USP4: variants seen among roughly 807,000 people sequenced by gnomAD.
USP4 encodes the protein ubiquitin specific peptidase 4.
USP4 carries 72 observed loss-of-function variants against 118.2 expected under a neutral mutation model. That is an observed-to-expected ratio of 0.61 (90% CI 0.50 to 0.74). USP4 has a LOEUF of 0.74. Among genes scored for constraint, USP4 ranks in the 30% least tolerant of loss-of-function variants. The probability of loss-of-function intolerance (pLI) is 0.00; values close to 1 mark genes in which losing one functional copy is unlikely to be tolerated. For missense variants in USP4, 1,037 were observed against 1,185.7 expected (o/e 0.87, Z 1.84); for synonymous variants, 415 against 440.4 (o/e 0.94, Z 0.72).
chr3:49,320,042 A>G (rs1411330412), intron 6 of USP4, among the ~76,000 whole-genome samples: 1 of 152,074 alleles, frequency 6.6e-6, no homozygotes, highest in Non-Finnish European at 1.5e-5. Context: ...TCAGCCTCCC[A>G]AGAAGCTGGA....
At chr3:49,311,092 T>C (rs548121141) in intron 7 of USP4, among the ~76,000 whole-genome samples, 1 of 152,190 alleles carries the variant, frequency 6.6e-6, no homozygotes, top group Non-Finnish European at 1.5e-5. Flanking sequence ...TGAAAGTTCA[T>C]GCACACTTCC....
intron 3 of USP4, 135 bp downstream of exon 3, chr3:49,327,551 G>T (rs2047569836): frequency 2.2e-6 from 2 of 905,856 alleles, no homozygotes; most frequent in South Asian, 2.0e-5. Flanking sequence ...AAAAAAAAGA[G>T]ATCCAGAAAC....
chr3:49,281,475 TG>T (rs1349745326), intron 19 of USP4, among the ~76,000 whole-genome samples: 6 of 83,482 alleles, frequency 7.2e-5, no homozygotes, highest in Non-Finnish European at 1.2e-4. Flanking sequence ...AAAAAGTATG[TG>T]TATATATATA....
chr3:49,332,559 G>C (rs1446322221), intron 2 of USP4, among the ~76,000 whole-genome samples: 2 of 151,846 alleles, frequency 1.3e-5, no homozygotes, highest in East Asian at 3.9e-4. Context: ...TTTAAAATCT[G>C]TTGTTTAGGC....
rs113871241 is a variant in USP4 at position 49,324,247 on chromosome 3, C to T, written c.695+455G>A. On this transcript the variant is annotated intron_variant, in intron 6 of 21. Coordinates refer to ENST00000265560, the MANE Select transcript of USP4 (RefSeq NM_003363.4). ...CTCCTGGCCTCAGGTGAGCCACCTC[C>T]CACGGCCTCTCAAAGTGCTGAGCTT... Among the ~76,000 whole-genome samples, 3 of 152,254 alleles carry T rather than the reference C, an allele frequency of 2.0e-5. 1 individual carries two copies. The highest frequency in any genetic ancestry group is 7.2e-5 in the African/African-American group (3 of 41,550).
chr3:49,278,592 C>T (rs1285428020), intron 21 of USP4, 141 bp from the exon 22 acceptor site: 2 of 1,074,974 alleles, frequency 1.9e-6, no homozygotes, highest in East Asian at 2.4e-5. Context: ...ATGGCTGCCC[C>T]TGCCAGGCAG....
rs1402113107 is a variant in USP4 at position 49,278,106 on chromosome 3, G to A, written c.*187C>T. ...CCTGTTTAAAAATAAAAATAATTCA[G>A]CCTCTTGACATAGCTTCTTCTAGGT... On this transcript the variant is annotated 3_prime_UTR_variant, in exon 22 of 22. Coordinates refer to ENST00000265560, the MANE Select transcript of USP4 (RefSeq NM_003363.4). 1.1e-5 allele frequency: 7 copies of A among 644,076 alleles called. No homozygotes were observed. The highest frequency in any genetic ancestry group is 1.9e-5 in the African/African-American group (1 of 51,928). 39.9% of individuals were successfully genotyped at this position (644,076 alleles called of 1,614,324 possible). A position where few individuals can be genotyped will look rare whatever the true frequency, so the allele number is the denominator to read the frequency against.
intron 6 of USP4, among the ~76,000 whole-genome samples, chr3:49,320,985 T>C (rs1275327146): frequency 6.6e-6 from 1 of 152,182 alleles, no homozygotes; most frequent in African/African-American, 2.4e-5. Context: ...TATTGTCATA[T>C]GATTAGCCAA....
chr3:49,340,008 C>T lies in USP4; in HGVS notation c.17G>A (p.Gly6Asp), dbSNP rs772292516. The T allele has an allele frequency of 1.1e-5, 18 of 1,608,912 alleles. No homozygotes were observed. In the East Asian group the frequency reaches 2.5e-4, roughly 22 times the overall value. MAEGGGCRERPDAETQ... is the reference protein window; with the variant it reads MAEGGDCRERPDAETQ... Reference sequence around the variant, plus strand: ...CTCCGCATCCGGTCGCTCACGGCAGCCTCCACCTTCCGCCATCTCCTCCGC... The same window carrying T: ...CTCCGCATCCGGTCGCTCACGGCAGTCTCCACCTTCCGCCATCTCCTCCGC... Residue 6 changes from glycine to aspartate, a missense_variant, in exon 1 of 22, where the codon GGC becomes GAC. By Grantham distance (94) the Gly-to-Asp change is moderately conservative. Coordinates refer to ENST00000265560, the MANE Select transcript of USP4 (RefSeq NM_003363.4).
At chr3:49,318,463 A>G in intron 6 of USP4, 1 of 985,502 alleles carries the variant, frequency 1.0e-6, no homozygotes. Flanking sequence ...AAAGGGAAAG[A>G]GAGAAACAGA....
chr3:49,310,813 A>G, intron 7 of USP4, 76 bp from the exon 8 acceptor site: 1 of 1,149,922 alleles, frequency 8.7e-7, no homozygotes, highest in Non-Finnish European at 1.3e-6. Flanking sequence ...TGAGGCTCCT[A>G]TGGGGGCCTC....
chr3:49,292,654 A>G, intron 14 of USP4, 56 bp from the exon 15 acceptor site: 2 of 1,269,422 alleles, frequency 1.6e-6, no homozygotes, highest in Admixed American at 2.6e-5. Flanking sequence ...ACATTTATCT[A>G]TTTTTTCCAC....
intron 1 of USP4, among the ~76,000 whole-genome samples, chr3:49,338,692 A>G (rs951084819): frequency 1.3e-5 from 2 of 151,616 alleles, no homozygotes; most frequent in Non-Finnish European, 2.9e-5. Flanking sequence ...AAAGAAAAGA[A>G]AAGAAAACAC....
intron 19 of USP4, among the ~76,000 whole-genome samples, chr3:49,281,476 G>GTATCTA (rs1453045009): frequency 1.9e-5 from 2 of 105,984 alleles, no homozygotes; most frequent in African/African-American, 6.5e-5. Flanking sequence ...AAAAGTATGT[G>GTATCTA]TATATATATA....
intron 6 of USP4, chr3:49,312,382 G>A (rs1487948798): frequency 9.5e-6 from 4 of 419,502 alleles, no homozygotes; most frequent in African/African-American, 6.2e-5. Context: ...CCAGCCACTC[G>A]GGAGGCTGGG....
Position 49,284,047 on chromosome 3 carries a change from C to T in USP4, c.2480G>A (p.Arg827His), listed in dbSNP as rs772826144. The change falls in exon 19 of 22, where the codon CGT becomes CAT. Residue 827 changes from arginine to histidine, a missense_variant. Physicochemically the swap from Arg to His is conservative, Grantham distance 29. Coordinates refer to ENST00000265560, the MANE Select transcript of USP4 (RefSeq NM_003363.4). ...LPKILVVHLKRFSYNRYWRDK... is the reference protein window; with the variant it reads ...LPKILVVHLKHFSYNRYWRDK... ...CCTCCAGTATCTGTTGTAGGAGAAA[C>T]GTTTGAGGTGGACCACCAGGATCTT... 3 of 1,614,220 alleles carry T rather than the reference C, an allele frequency of 1.9e-6. No individual in the cohort carries two copies. The highest frequency in any genetic ancestry group is 1.7e-5 in the Admixed American group (1 of 60,014).
At chr3:49,309,036 A>C (rs2047351912) in intron 8 of USP4, among the ~76,000 whole-genome samples, 1 of 149,546 alleles carries the variant, frequency 6.7e-6, no homozygotes, top group African/African-American at 2.4e-5. Flanking sequence ...GCTGTCTCAA[A>C]AAAAAAAAAA....
chr3:49,325,030 T>C lies in USP4; in HGVS notation c.497A>G (p.Glu166Gly), dbSNP rs779732585. The change falls in exon 5 of 22, where the codon GAG becomes GGG. Residue 166 changes from glutamate (E) to glycine (G), a missense_variant. This residue lies in a region of USP4 where 487 missense variants were observed against 534.1 expected (regional missense o/e 0.91). Coordinates refer to ENST00000265560, the MANE Select transcript of USP4 (RefSeq NM_003363.4). The stretch of plus-strand genomic sequence containing the variant: ...GTTGAATAGCTTCCGCATCTCTTTC[T>C]CGATGGTTGCTAGGAACAGGCAGAA... ...FSKADTIATI[E>G]KEMRKLFNIP... 1.9e-6 allele frequency: 3 copies of C among 1,613,236 alleles called. No individual in the cohort carries two copies. The highest frequency in any genetic ancestry group is 1.7e-4 in the Middle Eastern group (1 of 6,042).
rs2046973921 is a variant in USP4, at chr3:49,277,322, C to G, written c.*971G>C. 1 of 1,067,562 alleles carries G rather than the reference C, an allele frequency of 9.4e-7. No homozygotes were observed. Among genetic ancestry groups the G allele is most frequent in the African/African-American group, 1.6e-5 (1 of 60,818 alleles). The allele number at this position is 1,067,562 out of a possible 1,614,324, so 66.1% of individuals were successfully genotyped here. A position where few individuals can be genotyped will look rare whatever the true frequency, so the allele number is the denominator to read the frequency against. The stretch of plus-strand genomic sequence containing the variant: ...TACGTCCGGTTCCTTAAGGCCTTGC[C>G]CACACGCAGCGGCTGGCCCCGCGGT... On this transcript the variant is annotated 3_prime_UTR_variant, in exon 22 of 22. Coordinates refer to ENST00000265560, the MANE Select transcript of USP4 (RefSeq NM_003363.4).
Sources: allele counts gnomAD v4.1 joint callset (sites outside exome capture counted in the v4.1 genomes callset), GRCh38; gene constraint gnomAD v4.1.1; regional missense constraint gnomAD v4.1.1; transcripts MANE v1.5; gene names NCBI Gene and HGNC (gene_info 2026-07-23, HGNC 2026-07-21).